Variants in SENP7 observed in about 807,000 individuals in gnomAD.
SENP7 encodes the protein sentrin-specific protease 7.
In SENP7, 64 loss-of-function variants were observed where a neutral mutation model predicts 141.2. That is an observed-to-expected ratio of 0.45 (90% CI 0.37 to 0.56). SENP7 has a LOEUF of 0.56. SENP7 is among the 20% of genes least tolerant of loss of function. The pLI is 0.00. For missense variants in SENP7, 1,025 were observed against 1,212.2 expected, an observed-to-expected ratio of 0.85 and a Z score of 2.29; for synonymous variants, 382 against 426.4, an observed-to-expected ratio of 0.90 and a Z score of 1.28.
In SENP7 at chr3:101,358,752, G is replaced by A. The variant is rs372145197; in HGVS notation, c.1623+2963C>T. Reference sequence around the variant, plus strand: ...TGGGTTCAAGCCATTCTCCTGCCTCGGCCTCCCAAGTAGCTGGGATTGCAG... The same window carrying A: ...TGGGTTCAAGCCATTCTCCTGCCTCAGCCTCCCAAGTAGCTGGGATTGCAG... On this transcript the variant is annotated intron_variant, in intron 11 of 23. Transcript: ENST00000394095. 9.8e-4 allele frequency: 152 copies of A among 154,642 alleles called. 1 individual carries two copies. The Middle Eastern group carries it at 0.017, about 17-fold the overall frequency. The allele number at this position is 154,642 out of a possible 1,614,324, so 9.6% of individuals were successfully genotyped here.
chr3:101,371,936 T>C (rs1384515191), intron 7 of SENP7, 72 bp downstream of exon 7: 1 of 539,028 alleles, frequency 1.9e-6, no homozygotes, highest in Non-Finnish European at 3.0e-6. Flanking sequence ...AAATAATTTA[T>C]TTATAACAAA....
chr3:101,398,439 G>A lies in SENP7; in HGVS notation c.677+422C>T, dbSNP rs543606733. On this transcript the variant is annotated intron_variant, in intron 6 of 23. Coordinates refer to ENST00000394095, the MANE Select transcript of SENP7 (RefSeq NM_020654.5). ...CATGCCACTGCACTCCAGCCTGGGC[G>A]ACAGAACGAGACTCCGCCTCAAAAA... Among the ~76,000 whole-genome samples the A allele has an allele frequency of 1.1e-4, 17 of 152,230 alleles. No homozygotes were observed. The South Asian group carries it at 1.5e-3, about 13-fold the overall frequency.
At chr3:101,444,974 A>G (rs2062834137) in intron 4 of SENP7, among the ~76,000 whole-genome samples, 1 of 152,140 alleles carries the variant, frequency 6.6e-6, no homozygotes, top group South Asian at 2.1e-4. Flanking sequence ...ACATTAAGAT[A>G]CAGTAAACTC....
At position 101,354,233 on chromosome 3, in the gene SENP7, T is replaced by C. The variant is rs969909528; in HGVS notation, c.1624-2582A>G. 3.7e-4 allele frequency among the ~76,000 whole-genome samples: 56 copies of C among 152,106 alleles called. 1 individual carries two copies. Among genetic ancestry groups the C allele is most frequent in the Admixed American group, 3.7e-3 (56 of 15,270 alleles). On this transcript the variant is annotated intron_variant, in intron 11 of 23. Coordinates refer to ENST00000394095, the MANE Select transcript of SENP7 (RefSeq NM_020654.5). ...CATTTAAGTTTTTAATCTAATTATA[T>C]GAAATGTTCCAGCAAACATAAATAA...
chr3:101,326,313 T>G (rs1383055101), intron 23 of SENP7, among the ~76,000 whole-genome samples: 1 of 152,060 alleles, frequency 6.6e-6, no homozygotes, highest in Non-Finnish European at 1.5e-5. Context: ...TGACACCCTA[T>G]GATGAAGTTC....
At chr3:101,472,417 C>T (rs1576458453) in intron 3 of SENP7, among the ~76,000 whole-genome samples, 2 of 148,964 alleles carry the variant, frequency 1.3e-5, no homozygotes, top group Admixed American at 6.6e-5. Context: ...AACCAAACAC[C>T]GCATGTTCTC....
chr3:101,429,207 G>GTT (rs200015765), intron 4 of SENP7, among the ~76,000 whole-genome samples: 3 of 151,792 alleles, frequency 2.0e-5, no homozygotes, highest in East Asian at 1.9e-4. Context: ...ATTTAAAGTA[G>GTT]TTCTTTTTCC....
At position 101,370,870 on chromosome 3, in the gene SENP7, T is replaced by G. The variant is rs1036948113; in HGVS notation, c.796+1138A>C. Among the ~76,000 whole-genome samples, 26 of 152,232 alleles carry G rather than the reference T, an allele frequency of 1.7e-4. 1 individual carries two copies. The highest frequency in any genetic ancestry group is 3.8e-4 in the Non-Finnish European group (26 of 68,034). The stretch of plus-strand genomic sequence containing the variant: ...TTACTGTAGTTTCATTTTAAATTTT[T>G]TTCTATTAAAAAGGCTACTAAAAAG... On this transcript the variant is annotated intron_variant, in intron 7 of 23. Coordinates refer to ENST00000394095, the MANE Select transcript of SENP7 (RefSeq NM_020654.5).
chr3:101,457,159 A>C, intron 4 of SENP7: 1 of 1,009,572 alleles, frequency 9.9e-7, no homozygotes, highest in Non-Finnish European at 1.5e-6. Context: ...TCCATAAACA[A>C]AAATTCTTAA....
At chr3:101,375,524 A>G (rs2060297612) in intron 6 of SENP7, among the ~76,000 whole-genome samples, 1 of 143,860 alleles carries the variant, frequency 7.0e-6, no homozygotes, top group Non-Finnish European at 1.5e-5. Flanking sequence ...CGTGGGCAAC[A>G]AGAGCGAAAT....
chr3:101,390,219 C>CAAAAAAAAAAAAAAA (rs563281627), intron 6 of SENP7, among the ~76,000 whole-genome samples: 1 of 73,844 alleles, frequency 1.4e-5, no homozygotes, highest in Admixed American at 1.6e-4. Context: ...GACTCTGTCT[C>CAAAAAAAAAAAAAAA]AAAAAAAAAA....
rs760755056 is a variant in SENP7, at chr3:101,417,610, G to T, written c.465C>A (p.Ser155Arg). Residue 155 changes from serine (S) to arginine (R), a missense_variant, in exon 5 of 24, where the codon AGC becomes AGA. By Grantham distance (110) the Ser-to-Arg change is moderately radical. Coordinates refer to ENST00000394095, the MANE Select transcript of SENP7 (RefSeq NM_020654.5). Reference sequence around the variant, plus strand: ...CAACATACCTTTCAGATAAATTAAGGCTTTGGCGAAGAGGTTCTAATTTTT... The same window carrying T: ...CAACATACCTTTCAGATAAATTAAGTCTTTGGCGAAGAGGTTCTAATTTTT... ...TCQKLEPLRQ[S>R]LNLSERIPRV... The T allele has an allele frequency of 6.2e-7, 1 of 1,613,362 alleles. No homozygotes were observed. Among genetic ancestry groups the T allele is most frequent in the East Asian group, 2.2e-5 (1 of 44,840 alleles).
chr3:101,360,645 G>A (rs559731181), intron 11 of SENP7, among the ~76,000 whole-genome samples: 2 of 152,260 alleles, frequency 1.3e-5, no homozygotes, highest in African/African-American at 4.8e-5. Flanking sequence ...AAACATTTAT[G>A]GAAGCTATAA....
In SENP7 at chr3:101,361,809, A is replaced by G. The variant is rs2107350242; in HGVS notation, c.1529T>C (p.Ile510Thr). Residue 510 changes from isoleucine to threonine, a missense_variant, in exon 11 of 24, where the codon ATT becomes ACT. By Grantham distance (89) the Ile-to-Thr change is moderately conservative. Around this residue, in one of 4 missense-constraint regions of SENP7, gnomAD observed 228 missense variants for 228.5 expected, o/e 1.00. Coordinates refer to ENST00000394095, the MANE Select transcript of SENP7 (RefSeq NM_020654.5). ...YNPVMENISS[I>T]MPSNEMDLQL... The stretch of plus-strand genomic sequence containing the variant: ...TAGATCCATCTCATTACTAGGCATA[A>G]TACTGGAAATGTTCTCCATGACAGG... 6.2e-7 allele frequency: 1 copy of G among 1,608,710 alleles called. No individual in the cohort carries two copies. The highest frequency in any genetic ancestry group is 2.2e-5 in the East Asian group (1 of 44,492).
chr3:101,481,855 A>G (rs991909766), intron 3 of SENP7, among the ~76,000 whole-genome samples: 3 of 152,218 alleles, frequency 2.0e-5, no homozygotes, highest in African/African-American at 7.2e-5. Flanking sequence ...CGATGTGGAA[A>G]TTCCAAAAGA....
At chr3:101,492,764 A>G (rs1026975593) in intron 3 of SENP7, among the ~76,000 whole-genome samples, 3 of 152,204 alleles carry the variant, frequency 2.0e-5, no homozygotes, top group Non-Finnish European at 4.4e-5. Flanking sequence ...CTGGGAGACC[A>G]AAGTAGGAAG....
At chr3:101,401,528 C>CAA (rs60381137) in intron 5 of SENP7, among the ~76,000 whole-genome samples, 24 of 130,316 alleles carry the variant, frequency 1.8e-4, no homozygotes, top group Middle Eastern at 8.8e-3. Context: ...CACTCCATCT[C>CAA]AAAAAAAAAA....
intron 4 of SENP7, among the ~76,000 whole-genome samples, chr3:101,431,508 CTTTTTTTTTTTT>C (rs56937965): frequency 1.4e-3 from 118 of 82,906 alleles, no homozygotes; most frequent in Middle Eastern, 0.019. Context: ...GCAACCCCTG[CTTTTTTTTTTTT>C]TTTTTTTTTT....
At chr3:101,372,149 A>C (rs889114793) in intron 6 of SENP7, 23 bp from the exon 7 acceptor site, 2 of 1,280,082 alleles carry the variant, frequency 1.6e-6, no homozygotes, top group Non-Finnish European at 2.1e-6. Context: ...ACTGTATTAT[A>C]CTCAATTCTA....
Sources: gnomAD v4.1 joint callset for allele counts (sites outside exome capture counted in the v4.1 genomes callset) on GRCh38, gnomAD v4.1.1 for gene constraint, gnomAD v4.1.1 regional missense constraint, MANE v1.5 for transcripts, NCBI Gene and HGNC (gene_info 2026-07-23, HGNC 2026-07-21) for gene names.